Variants in P4HA1 observed in about 807,000 individuals in gnomAD.
P4HA1 encodes prolyl 4-hydroxylase subunit alpha-1.
In P4HA1, 24 loss-of-function variants were observed where a neutral mutation model predicts 72.8. The observed-to-expected ratio is 0.33, with a 90% confidence interval of 0.24 to 0.46. The LOEUF is 0.46. Among genes scored for constraint, P4HA1 ranks in the 20% least tolerant of loss-of-function variants. The pLI is 1.00. For missense variants in P4HA1, 446 were observed against 640.6 expected (o/e 0.70, Z 3.28); for synonymous variants, 201 against 218.8 (o/e 0.92, Z 0.72).
At chr10:73,064,234 C>T (rs748684656) in intron 5 of P4HA1, among the ~76,000 whole-genome samples, 13 of 151,916 alleles carry the variant, frequency 8.6e-5, no homozygotes, top group Non-Finnish European at 1.3e-4. Context: ...TGGGAGGCTG[C>T]GGGGTGCGGG....
In P4HA1 at chr10:73,044,965, C is replaced by T. The variant is rs763813824; in HGVS notation, c.1148+16G>A. 2 of 1,598,130 alleles carry T rather than the reference C, an allele frequency of 1.3e-6. No homozygotes were observed. The highest frequency in any genetic ancestry group is 2.2e-5 in the South Asian group (2 of 90,212). ...ACTCATTAGAGGGCAAAATATGCAG[C>T]ATACACATCTCTTACCTTTTGCTAA... On this transcript the variant is annotated intron_variant, in intron 9 of 14. Coordinates refer to ENST00000394890, the MANE Select transcript of P4HA1 (RefSeq NM_001017962.3).
At chr10:73,020,746 G>A (rs1840116253) in intron 10 of P4HA1, among the ~76,000 whole-genome samples, 1 of 152,150 alleles carries the variant, frequency 6.6e-6, no homozygotes, top group Non-Finnish European at 1.5e-5. Context: ...TTATTTGTGG[G>A]GTGCAAGGTT....
At chr10:73,008,388 G>C in intron 14 of P4HA1, 96 bp from the exon 15 acceptor site, 1 of 782,656 alleles carries the variant, frequency 1.3e-6, no homozygotes, top group Non-Finnish European at 2.1e-6. Context: ...TTTCATCATG[G>C]GATAAAAGTT....
At chr10:73,061,158 C>T (rs1164003593) in intron 5 of P4HA1, among the ~76,000 whole-genome samples, 1 of 152,156 alleles carries the variant, frequency 6.6e-6, no homozygotes, top group Non-Finnish European at 1.5e-5. Flanking sequence ...GCTCTCATCA[C>T]CTGAACCTCA....
chr10:73,086,627 T>C (rs1258721219), intron 1 of P4HA1, among the ~76,000 whole-genome samples: 2 of 152,088 alleles, frequency 1.3e-5, no homozygotes, highest in Non-Finnish European at 2.9e-5. Flanking sequence ...ATAAAACTGT[T>C]TTAAAAAAAT....
intron 5 of P4HA1, among the ~76,000 whole-genome samples, chr10:73,064,524 A>G (rs1293698423): frequency 2.0e-5 from 3 of 152,062 alleles, no homozygotes; most frequent in Non-Finnish European, 4.4e-5. Flanking sequence ...TATCATAGGC[A>G]CTATAGGAAA....
chr10:73,059,395 C>A (rs1447288912), intron 5 of P4HA1, among the ~76,000 whole-genome samples: 10 of 131,078 alleles, frequency 7.6e-5, no homozygotes, highest in Non-Finnish European at 6.2e-5. Flanking sequence ...TTCAAGACAA[C>A]CCCGGGCAAA....
intron 1 of P4HA1, among the ~76,000 whole-genome samples, chr10:73,086,733 G>C (rs1327981429): frequency 6.6e-6 from 1 of 152,100 alleles, no homozygotes; most frequent in East Asian, 1.9e-4. Flanking sequence ...AGGAGTTCAA[G>C]ACCAACCTGG....
intron 8 of P4HA1, 133 bp from the exon 9 acceptor site, chr10:73,045,184 C>T: frequency 1.6e-6 from 1 of 635,764 alleles, no homozygotes; most frequent in Non-Finnish European, 2.6e-6. Flanking sequence ...CTTCCAGTCA[C>T]CTTGTGCTGA....
rs552164691 is a variant in P4HA1 at position 73,054,077 on chromosome 10, C to T, written c.464-487G>A. ...GATTATAGGCATGTGCCACCATGCC[C>T]AGCTAATTTTGTATTTTTAGTAGAG... On this transcript the variant is annotated intron_variant, in intron 5 of 14. Transcript: ENST00000394890. 2.6e-5 allele frequency among the ~76,000 whole-genome samples: 4 copies of T among 152,202 alleles called. No individual in the cohort carries two copies. In the South Asian group the frequency reaches 8.3e-4, roughly 32 times the overall value.
At chr10:73,037,525 C>CTATGTA (rs1840605829) in intron 9 of P4HA1, among the ~76,000 whole-genome samples, 1 of 34,304 alleles carries the variant, frequency 2.9e-5, no homozygotes, top group Admixed American at 3.8e-4. Flanking sequence ...TCGAAAACCA[C>CTATGTA]TATATATATA....
At chr10:73,022,840 T>C (rs1840168577) in intron 10 of P4HA1, among the ~76,000 whole-genome samples, 1 of 152,204 alleles carries the variant, frequency 6.6e-6, no homozygotes, top group Non-Finnish European at 1.5e-5. Flanking sequence ...AAGAACGTCA[T>C]GGTGCATGCA....
Position 73,051,322 on chromosome 10 carries a change from A to G in P4HA1, c.704-73T>C, listed in dbSNP as rs1453665223. ...TCAAGCATCAGAATATAGTAATATA[A>G]AAATAGGAGACATTATAATTTATCT... On this transcript the variant is annotated intron_variant, in intron 6 of 14. Transcript: ENST00000394890. The G allele has an allele frequency of 5.2e-6, 4 of 770,674 alleles. No individual in the cohort carries two copies. In the African/African-American group the frequency reaches 7.0e-5, roughly 13 times the overall value. 47.7% of individuals were successfully genotyped at this position (770,674 alleles called of 1,614,324 possible).
At chr10:73,060,990 T>C (rs971369583) in intron 5 of P4HA1, among the ~76,000 whole-genome samples, 1 of 152,126 alleles carries the variant, frequency 6.6e-6, no homozygotes, top group African/African-American at 2.4e-5. Flanking sequence ...GATGTTCCTG[T>C]TTATAGAATT....
Position 73,053,416 on chromosome 10 carries a change from T to C in P4HA1, c.638A>G (p.Tyr213Cys). 3 of 1,614,072 alleles carry C rather than the reference T, an allele frequency of 1.9e-6. No homozygotes were observed. The highest frequency in any genetic ancestry group is 2.5e-6 in the Non-Finnish European group (3 of 1,179,884). The stretch of plus-strand genomic sequence containing the variant: ...CAGGTCTCCCTGCTGATATACCGCA[T>C]AGCTCAAATAATCTAGAACAGAGAC... ...DKVSVLDYLS[Y>C]AVYQQGDLDK... The change falls in exon 6 of 15, where the codon TAT becomes TGT. Residue 213 changes from tyrosine to cysteine, a missense_variant. By Grantham distance (194) the Tyr-to-Cys change is radical. Coordinates refer to ENST00000394890, the MANE Select transcript of P4HA1 (RefSeq NM_001017962.3).
chr10:73,020,044 G>A (rs1200509520), intron 10 of P4HA1, among the ~76,000 whole-genome samples: 1 of 152,024 alleles, frequency 6.6e-6, no homozygotes, highest in Non-Finnish European at 1.5e-5. Flanking sequence ...ACTCCAGGAA[G>A]TTCAAAAGTC....
In P4HA1 at chr10:73,046,962, G is replaced by A. The variant is rs200486127; in HGVS notation, c.1040C>T (p.Ala347Val). The change falls in exon 8 of 15, where the codon GCA becomes GTA. Residue 347 changes from alanine (A) to valine (V), a missense_variant. Ala to Val is a moderately conservative substitution (Grantham distance 64). Coordinates refer to ENST00000394890, the MANE Select transcript of P4HA1 (RefSeq NM_001017962.3). ...IIRFHDIISDAEIEIVKDLAK... is the reference protein window; with the variant it reads ...IIRFHDIISDVEIEIVKDLAK... The stretch of plus-strand genomic sequence containing the variant: ...TAGGTCTTTGACGATTTCAATTTCT[G>A]CATCAGAAATAATATCATGGAAGCG... The A allele has an allele frequency of 1.2e-6, 2 of 1,612,446 alleles. No individual in the cohort carries two copies. Among genetic ancestry groups the A allele is most frequent in the Non-Finnish European group, 1.7e-6 (2 of 1,178,982 alleles).
rs1345726596 is a variant in P4HA1 at position 73,027,639 on chromosome 10, GA to G, written c.1248+2631del. On this transcript the variant is annotated intron_variant, in intron 10 of 14. Coordinates refer to ENST00000394890, the MANE Select transcript of P4HA1 (RefSeq NM_001017962.3). ...GAAGGAAGGAAAGAAGGGAGTCAGG[GA>G]GGGGGAGGGGGGAGGGAGAGAGGAA... 2.4e-3 allele frequency among the ~76,000 whole-genome samples: 246 copies of G among 103,970 alleles called. 3 individuals carry two copies. Among genetic ancestry groups the G allele is most frequent in the African/African-American group, 8.5e-3 (227 of 26,662 alleles). 68.2% of individuals were successfully genotyped at this position (103,970 alleles called of 152,430 possible).
chr10:73,022,454 A>G (rs1364690035), intron 10 of P4HA1, among the ~76,000 whole-genome samples: 1 of 152,114 alleles, frequency 6.6e-6, no homozygotes, highest in Non-Finnish European at 1.5e-5. Flanking sequence ...ATCAACATCA[A>G]CAAAAAGGTC....
Sources: allele counts gnomAD v4.1 joint callset (sites outside exome capture counted in the v4.1 genomes callset), GRCh38; gene constraint gnomAD v4.1.1; transcripts MANE v1.5; gene names NCBI Gene and HGNC (gene_info 2026-07-23, HGNC 2026-07-21).